The following PCDH15 variants were observed in gnomAD, a reference collection of about 807,000 sequenced individuals.
PCDH15 encodes protocadherin-15.
Under a neutral mutation model 178.5 loss-of-function variants are expected in PCDH15, and 129 were observed. That is an observed-to-expected ratio of 0.72 (90% confidence interval 0.63 to 0.84). PCDH15 has a LOEUF of 0.84. PCDH15 is among the 40% of genes least tolerant of loss of function. The pLI is 0.00. For synonymous variants in PCDH15, 800 were observed against 732.0 expected, an observed-to-expected ratio of 1.09 and a Z score of -1.50; for missense variants, 2,230 against 2,099.9, an observed-to-expected ratio of 1.06 and a Z score of -1.21.
At chr10:55,534,956 C>A (rs1056058082) in intron 2 of PCDH15, among the ~76,000 whole-genome samples, 3 of 152,006 alleles carry the variant, frequency 2.0e-5, no homozygotes, top group Non-Finnish European at 2.9e-5. Flanking sequence ...AGCCAATTAA[C>A]ACAGAAACAG....
At chr10:55,051,960 C>CCTAT (rs1841172829) in intron 2 of PCDH15, among the ~76,000 whole-genome samples, 1 of 151,646 alleles carries the variant, frequency 6.6e-6, no homozygotes, top group African/African-American at 2.4e-5. Context: ...GTATATATAC[C>CCTAT]CATAGATAGG....
chr10:54,439,687 T>C (rs1448266740), intron 3 of PCDH15, among the ~76,000 whole-genome samples: 1 of 152,020 alleles, frequency 6.6e-6, no homozygotes, highest in Non-Finnish European at 1.5e-5. Context: ...CCATGTTTTT[T>C]AGCTATTGCA....
chr10:54,609,667 A>G (rs1235231647), intron 2 of PCDH15, among the ~76,000 whole-genome samples: 1 of 152,000 alleles, frequency 6.6e-6, no homozygotes, highest in Non-Finnish European at 1.5e-5. Flanking sequence ...TCCAGAAAAT[A>G]TACTGCCACT....
At chr10:54,122,350 C>T (rs2041608406) in intron 15 of PCDH15, among the ~76,000 whole-genome samples, 1 of 151,870 alleles carries the variant, frequency 6.6e-6, no homozygotes, top group Non-Finnish European at 1.5e-5. Flanking sequence ...AGAAACTAGG[C>T]ATCAGAGGTA....
chr10:55,507,944 C>G (rs765656513), intron 2 of PCDH15, among the ~76,000 whole-genome samples: 6 of 151,354 alleles, frequency 4.0e-5, no homozygotes, highest in Non-Finnish European at 3.0e-5. Context: ...TAAAAATAAC[C>G]TAAGGTATAT....
intron 2 of PCDH15, among the ~76,000 whole-genome samples, chr10:55,082,023 C>G (rs1374212878): frequency 6.6e-6 from 1 of 151,852 alleles, no homozygotes; most frequent in African/African-American, 2.4e-5. Flanking sequence ...GTTATCCAGA[C>G]AGAAAAGCAA....
intron 2 of PCDH15, among the ~76,000 whole-genome samples, chr10:55,473,323 A>G (rs1189729927): frequency 6.6e-6 from 1 of 151,738 alleles, no homozygotes; most frequent in African/African-American, 2.4e-5. Context: ...AACAACATAA[A>G]TAGGGTATAT....
intron 15 of PCDH15, among the ~76,000 whole-genome samples, chr10:54,131,206 C>T (rs995259505): frequency 6.6e-6 from 1 of 152,056 alleles, no homozygotes; most frequent in African/African-American, 2.4e-5. Flanking sequence ...GAAACCTGAG[C>T]CACTTTACAA....
At chr10:54,477,139 C>G (rs2078332806) in intron 3 of PCDH15, among the ~76,000 whole-genome samples, 1 of 152,132 alleles carries the variant, frequency 6.6e-6, no homozygotes, top group African/African-American at 2.4e-5. Flanking sequence ...CATGGTTCAG[C>G]TGTAACTTAC....
chr10:55,162,229 T>G (rs1461790623), intron 2 of PCDH15, among the ~76,000 whole-genome samples: 5 of 152,196 alleles, frequency 3.3e-5, no homozygotes, highest in Non-Finnish European at 7.3e-5. Context: ...TATTTGCTTA[T>G]AGTTCTTAAA....
Position 53,925,155 on chromosome 10 carries a change from A to G in PCDH15, c.3373+13660T>C, listed in dbSNP as rs971627371. ...AAGCTTCATTCTTTCACTCTTTGGA[A>G]TAAATCTTGCTGCTGCTCACTCTTT... On this transcript the variant is annotated intron_variant, in intron 25 of 37. Coordinates refer to ENST00000644397, the MANE Select transcript of PCDH15 (RefSeq NM_001384140.1). Among the ~76,000 whole-genome samples the G allele has an allele frequency of 2.0e-5, 3 of 152,236 alleles. No individual in the cohort carries two copies. The East Asian group carries it at 5.8e-4, about 29-fold the overall frequency.
At chr10:54,677,091 G>T (rs896739018) in intron 1 of PCDH15, among the ~76,000 whole-genome samples, 11 of 152,164 alleles carry the variant, frequency 7.2e-5, no homozygotes, top group Non-Finnish European at 1.5e-5. Flanking sequence ...GTATATTCCG[G>T]CACAACATGG....
In PCDH15 at chr10:54,475,500, G is replaced by C. The variant is rs1313100411; in HGVS notation, c.157+52312C>G. Reference sequence around the variant, plus strand: ...TTATGCATGTAAAGCAACTAATAAAGTGTTTGGCACCCAAATCTTAATTCA... The same window carrying C: ...TTATGCATGTAAAGCAACTAATAAACTGTTTGGCACCCAAATCTTAATTCA... On this transcript the variant is annotated intron_variant, in intron 3 of 37. Coordinates refer to ENST00000644397, the MANE Select transcript of PCDH15 (RefSeq NM_001384140.1). Among the ~76,000 whole-genome samples the C allele has an allele frequency of 3.3e-5, 5 of 151,906 alleles. No individual in the cohort carries two copies. The East Asian group carries it at 9.6e-4, about 29-fold the overall frequency.
At chr10:53,930,355 G>A (rs1014740303) in intron 25 of PCDH15, among the ~76,000 whole-genome samples, 2 of 150,004 alleles carry the variant, frequency 1.3e-5, no homozygotes, top group East Asian at 2.0e-4. Flanking sequence ...CTACTCGGGA[G>A]GCTGAGGCAG....
chr10:55,012,704 T>G (rs962536130), intron 2 of PCDH15, among the ~76,000 whole-genome samples: 1 of 152,128 alleles, frequency 6.6e-6, no homozygotes, highest in Non-Finnish European at 1.5e-5. Context: ...TCTTTTTATT[T>G]ATTCCTTCTA....
At chr10:53,846,064 T>C (rs957768797) in intron 28 of PCDH15, among the ~76,000 whole-genome samples, 131 of 126,954 alleles carry the variant, frequency 1.0e-3, no homozygotes, top group African/African-American at 3.2e-3. Context: ...AAAAAAAGAA[T>C]TAAAAAATGA....
intron 2 of PCDH15, among the ~76,000 whole-genome samples, chr10:55,503,945 T>C (rs1589088922): frequency 6.6e-6 from 1 of 151,598 alleles, no homozygotes; most frequent in African/African-American, 2.4e-5. Flanking sequence ...ACATACTCTA[T>C]GATTCCAACT....
At chr10:55,381,326 A>T (rs918000195) in intron 2 of PCDH15, among the ~76,000 whole-genome samples, 1 of 152,190 alleles carries the variant, frequency 6.6e-6, no homozygotes. Flanking sequence ...CATAGCAGAC[A>T]ACTTGAAACC....
chr10:55,304,202 A>T (rs1843360902), intron 1 of PCDH15, among the ~76,000 whole-genome samples: 1 of 152,062 alleles, frequency 6.6e-6, no homozygotes, highest in African/African-American at 2.4e-5. Context: ...TAGGGCCTAA[A>T]GGTTTTCTGT....
Sources: gnomAD v4.1 joint callset for allele counts (sites outside exome capture counted in the v4.1 genomes callset) on GRCh38, gnomAD v4.1.1 for gene constraint, MANE v1.5 for transcripts, NCBI Gene and HGNC (gene_info 2026-07-23, HGNC 2026-07-21) for gene names.